Variants in ANO6 observed in about 807,000 individuals in gnomAD.
ANO6 encodes anoctamin-6.
A neutral mutation model predicts 117.5 loss-of-function variants in ANO6; 106 were observed. The observed-to-expected ratio is 0.90, with a 90% CI of 0.77 to 1.06. The LOEUF (loss-of-function observed/expected upper bound fraction) is 1.06. ANO6 is among the 50% of genes least tolerant of loss of function. The pLI is 0.00. For synonymous variants in ANO6, 367 were observed against 385.1 expected, an observed-to-expected ratio of 0.95 and a Z score of 0.55; for missense variants, 955 against 1,121.1, an observed-to-expected ratio of 0.85 and a Z score of 2.12.
At chr12:45,401,418 A>G (rs1165396005) in intron 12 of ANO6, among the ~76,000 whole-genome samples, 1 of 152,150 alleles carries the variant, frequency 6.6e-6, no homozygotes, top group African/African-American at 2.4e-5. Context: ...TTTTCCTTCT[A>G]CCAGAGTATG....
At chr12:45,263,867 G>T (rs1013111269) in intron 1 of ANO6, among the ~76,000 whole-genome samples, 1 of 152,164 alleles carries the variant, frequency 6.6e-6, no homozygotes, top group Non-Finnish European at 1.5e-5. Flanking sequence ...GCTCCCTTCT[G>T]TGAAATTTCA....
chr12:45,292,911 G>T, intron 1 of ANO6: 2 of 1,551,338 alleles, frequency 1.3e-6, no homozygotes, highest in South Asian at 2.4e-5. Context: ...CTTTTGTTCT[G>T]CTGTGGAATG....
chr12:45,439,658 T>A, intron 19 of ANO6: 1 of 1,290,138 alleles, frequency 7.8e-7, no homozygotes. Context: ...TTTTTTTTTT[T>A]TTTTTTTTTG....
At chr12:45,240,351 A>ATTTTTT (rs57126852) in intron 1 of ANO6, among the ~76,000 whole-genome samples, 3 of 30,700 alleles carry the variant, frequency 9.8e-5, no homozygotes, top group Non-Finnish European at 1.7e-4. Context: ...GCAACCCCTG[A>ATTTTTT]TTTTTTTTTT....
chr12:45,329,831 T>C (rs1940602367), intron 2 of ANO6, among the ~76,000 whole-genome samples: 1 of 152,064 alleles, frequency 6.6e-6, no homozygotes, highest in South Asian at 2.1e-4. Context: ...ATAGTCCTCA[T>C]TGAAAGTAAG....
chr12:45,246,770 T>G lies in ANO6; in HGVS notation c.70+30379T>G, dbSNP rs1004115988. On this transcript the variant is annotated intron_variant, in intron 1 of 19. Transcript: ENST00000320560. ...CTAGTTCCACCCTACTTTTTTTTTT[T>G]TTTTTTTTTTTTGAGACAGGGTCTC... is the stretch of plus-strand genomic sequence containing the variant. Among the ~76,000 whole-genome samples the G allele has an allele frequency of 1.2e-4, 18 of 149,376 alleles. No individual in the cohort carries two copies. In the South Asian group the frequency reaches 3.4e-3, roughly 29 times the overall value.
chr12:45,218,943 G>C (rs575496469), intron 1 of ANO6, among the ~76,000 whole-genome samples: 6 of 152,058 alleles, frequency 3.9e-5, no homozygotes, highest in Admixed American at 6.5e-5. Context: ...ATTCAGACTG[G>C]GAGAATTATT....
rs989445559 is a variant in ANO6, at chr12:45,343,797, C to T, written c.280-3225C>T. Among the ~76,000 whole-genome samples, 74 of 152,252 alleles carry T rather than the reference C, an allele frequency of 4.9e-4. 2 individuals carry two copies. Among genetic ancestry groups the T allele is most frequent in the Admixed American group, 4.4e-3 (68 of 15,296 alleles). On this transcript the variant is annotated intron_variant, in intron 3 of 19. Coordinates refer to ENST00000320560, the MANE Select transcript of ANO6 (RefSeq NM_001025356.3). ...CTGAGCACAGGGCTGCTGCCAGCAC[C>T]GCTGGCACCACTGACTAGCAGTAGC...
chr12:45,255,818 G>GGTTTTTTTTTTTTTTTTTT (rs749001458), intron 1 of ANO6, among the ~76,000 whole-genome samples: 5 of 81,712 alleles, frequency 6.1e-5, no homozygotes, highest in African/African-American at 2.3e-4. Context: ...CTCCCTGGGT[G>GGTTTTTTTTTTTTTTTTTT]TTTTTTTTTT....
chr12:45,243,580 G>C (rs1157682441), intron 1 of ANO6, among the ~76,000 whole-genome samples: 1 of 150,930 alleles, frequency 6.6e-6, no homozygotes, highest in Non-Finnish European at 1.5e-5. Flanking sequence ...ATGGAGTTTT[G>C]TTCTTGTCGC....
intron 1 of ANO6, among the ~76,000 whole-genome samples, chr12:45,263,158 C>G (rs1285707929): frequency 6.6e-6 from 1 of 151,908 alleles, no homozygotes; most frequent in Non-Finnish European, 1.5e-5. Context: ...TTGTGAAGTT[C>G]TTGAGAAGTG....
Position 45,223,101 on chromosome 12 carries a change from C to A in ANO6, c.70+6710C>A, listed in dbSNP as rs184332481. 3.1e-3 allele frequency among the ~76,000 whole-genome samples: 471 copies of A among 152,336 alleles called. 1 individual carries two copies. The highest frequency in any genetic ancestry group is 0.017 in the Middle Eastern group (5 of 294). Reference sequence around the variant, plus strand: ...ACTCTATGCATCTCTTCATCTTTATCTTTTATAATAAACTGGTAAACGGGA... The same window carrying A: ...ACTCTATGCATCTCTTCATCTTTATATTTTATAATAAACTGGTAAACGGGA... On this transcript the variant is annotated intron_variant, in intron 1 of 19. Coordinates refer to ENST00000320560, the MANE Select transcript of ANO6 (RefSeq NM_001025356.3).
chr12:45,428,536 A>C (rs112328123), intron 19 of ANO6, among the ~76,000 whole-genome samples: 2,018 of 152,292 alleles, frequency 0.013, 39 homozygotes, highest in African/African-American at 0.046. Flanking sequence ...AGCTATGATC[A>C]TGCCACTGCA....
chr12:45,390,403 TTTTG>T lies in ANO6; in HGVS notation c.1309-14_1309-11del. 1.2e-6 allele frequency: 2 copies of T among 1,605,846 alleles called. No individual in the cohort carries two copies. The highest frequency in any genetic ancestry group is 1.7e-6 in the Non-Finnish European group (2 of 1,172,698). On this transcript the variant is annotated splice_polypyrimidine_tract_variant and intron_variant, in intron 11 of 19. Transcript: ENST00000320560. Reference sequence around the variant, plus strand: ...AGTAATCCCTTGATTGACTAAACTTTTTTGTTTTTGTAATTAGGAAGAAGAACGC... The same window carrying T: ...AGTAATCCCTTGATTGACTAAACTTTTTTTTGTAATTAGGAAGAAGAACGC...
exon 20 of ANO6, chr12:45,439,907 C>T (rs1005091430): frequency 3.7e-5 from 55 of 1,494,616 alleles, no homozygotes; most frequent in African/African-American, 5.7e-5. Context: ...GGGCCAACTC[C>T]GTGTTTTTCT....
intron 10 of ANO6, among the ~76,000 whole-genome samples, chr12:45,380,439 A>G (rs1049825056): frequency 1.3e-5 from 2 of 152,254 alleles, no homozygotes; most frequent in African/African-American, 4.8e-5. Flanking sequence ...CTGGGGAACC[A>G]GGAAGCCTAA....
intron 1 of ANO6, among the ~76,000 whole-genome samples, chr12:45,252,203 C>T (rs920466015): frequency 6.6e-6 from 1 of 152,170 alleles, no homozygotes; most frequent in Non-Finnish European, 1.5e-5. Context: ...TGGCAGAACA[C>T]ACCATCACAC....
intron 2 of ANO6, among the ~76,000 whole-genome samples, chr12:45,322,200 A>G (rs945635394): frequency 6.6e-6 from 1 of 152,110 alleles, no homozygotes; most frequent in African/African-American, 2.4e-5. Context: ...ATACGAGAAG[A>G]GAGAAAGAAA....
intron 2 of ANO6, among the ~76,000 whole-genome samples, chr12:45,319,597 G>A (rs866334226): frequency 6.6e-6 from 1 of 152,252 alleles, no homozygotes; most frequent in Middle Eastern, 3.4e-3. Flanking sequence ...TTGTGTCTCT[G>A]CCAGGCTTTG....
Sources: gnomAD v4.1 joint callset for allele counts (sites outside exome capture counted in the v4.1 genomes callset) on GRCh38, gnomAD v4.1.1 for gene constraint, MANE v1.5 for transcripts, NCBI Gene and HGNC (gene_info 2026-07-23, HGNC 2026-07-21) for gene names.